The following MGAM variants were observed in gnomAD, a reference collection of about 807,000 sequenced individuals.
MGAM encodes the protein alpha-1,4-glucosidase.
In MGAM, 253 loss-of-function variants were observed where a neutral mutation model predicts 358.8. The ratio of observed to expected loss-of-function variants is 0.71; its 90% CI spans 0.64 to 0.78. The LOEUF (loss-of-function observed/expected upper bound fraction) is 0.78. MGAM is among the 30% of genes least tolerant of loss of function. The pLI is 0.00. For missense variants in MGAM, 3,080 were observed against 3,432.6 expected (o/e 0.90, Z 2.57); for synonymous variants, 1,105 against 1,227.1 (o/e 0.90, Z 2.08).
At chr7:141,990,771 G>T (rs554715157) in intron 2 of MGAM, among the ~76,000 whole-genome samples, 1 of 152,022 alleles carries the variant, frequency 6.6e-6, no homozygotes, top group Admixed American at 6.5e-5. Context: ...ATGCTGGTGC[G>T]CTGCACCGGT....
In MGAM at chr7:142,036,935, C is replaced by G. The variant is rs1300952698; in HGVS notation, c.2189C>G (p.Ala730Gly). The G allele has an allele frequency of 1.2e-6, 2 of 1,613,604 alleles. No individual in the cohort carries two copies. Among genetic ancestry groups the G allele is most frequent in the African/African-American group, 1.3e-5 (1 of 74,922 alleles). The change falls in exon 18 of 71, where the codon GCT (alanine) becomes GGT (glycine). Residue 730 changes from alanine (A) to glycine (G), a missense_variant. Ala to Gly is a moderately conservative substitution (Grantham distance 60, BLOSUM62 0). Transcript: ENST00000475668. ...TACCTATACACCCTCTTCTTCCGTG[C>G]TCACAGCCGAGGGGACACGGTGGCC... Reference protein sequence around the residue: ...LPYLYTLFFRAHSRGDTVARP... With the variant: ...LPYLYTLFFRGHSRGDTVARP...
At chr7:142,002,531 A>T (rs370479231) in intron 1 of MGAM, among the ~76,000 whole-genome samples, 154 of 151,200 alleles carry the variant, frequency 1.0e-3, no homozygotes, top group African/African-American at 3.4e-3. Flanking sequence ...ATTCCTTCAT[A>T]AAAAAAAACC....
Position 142,094,621 on chromosome 7 carries a change from C to T in MGAM, c.7308C>T (p.Gly2436=), listed in dbSNP as rs1680334472. Residue 2436 remains glycine (G), a splice_region_variant and synonymous_variant, in exon 62 of 71, where the codon GGC becomes GGT. Transcript: ENST00000475668. The part of the protein sequence containing the change: ...AWDQLKKSII[G]MMEFSLFGIS... ...ACACAGCTGTGCTTCTCGTTGCAGG[C>T]ATGATGGAGTTCAGCCTCTTCGGCA... is the stretch of plus-strand genomic sequence containing the variant. 3.0e-5 allele frequency: 48 copies of T among 1,610,004 alleles called. No individual in the cohort carries two copies. Among genetic ancestry groups the T allele is most frequent in the Non-Finnish European group, 4.1e-5 (48 of 1,177,596 alleles).
chr7:142,041,501 T>C (rs1034544750), intron 21 of MGAM, among the ~76,000 whole-genome samples: 2 of 152,096 alleles, frequency 1.3e-5, no homozygotes, highest in Admixed American at 6.6e-5. Context: ...TTCTGCACAC[T>C]GATACCAAAT....
chr7:142,044,164 A>ACAT (rs1563153305), intron 21 of MGAM, among the ~76,000 whole-genome samples: 1 of 143,546 alleles, frequency 7.0e-6, no homozygotes, highest in African/African-American at 2.5e-5. Flanking sequence ...GACGTATAAT[A>ACAT]TATACATTAT....
In MGAM at chr7:142,027,718, G is replaced by T; in HGVS notation, c.1204G>T (p.Ala402Ser). Residue 402 changes from alanine (A) to serine (S), a missense_variant, in exon 10 of 71, where the codon GCA (alanine) becomes TCA (serine). Physicochemically the swap from Ala to Ser is moderately conservative, Grantham distance 99. Coordinates refer to ENST00000475668, the MANE Select transcript of MGAM (RefSeq NM_001365693.1). ...NMREVVERNR[A>S]AQLPYDVQHA... Reference sequence around the variant, plus strand: ...GAGGGAAGTCGTGGAGAGAAATCGCGCAGCACAGCTCCCTTATGTAAGCAA... The same window carrying T: ...GAGGGAAGTCGTGGAGAGAAATCGCTCAGCACAGCTCCCTTATGTAAGCAA... 6.2e-7 allele frequency: 1 copy of T among 1,611,918 alleles called. No homozygotes were observed. Among genetic ancestry groups the T allele is most frequent in the Non-Finnish European group, 8.5e-7 (1 of 1,178,808 alleles).
At chr7:142,063,230 G>A (rs1812401639) in intron 35 of MGAM, among the ~76,000 whole-genome samples, 1 of 151,150 alleles carries the variant, frequency 6.6e-6, no homozygotes, top group Non-Finnish European at 1.5e-5. Context: ...AAAAAAACCT[G>A]GGAGGCAATT....
chr7:142,037,963 C>T (rs2129009257), intron 18 of MGAM, among the ~76,000 whole-genome samples: 1 of 152,100 alleles, frequency 6.6e-6, no homozygotes, highest in South Asian at 2.1e-4. Flanking sequence ...CTATAGTCAC[C>T]CTATTTTGCT....
chr7:142,045,052 A>T (rs1563155942), intron 21 of MGAM, among the ~76,000 whole-genome samples: 3 of 93,812 alleles, frequency 3.2e-5, no homozygotes, highest in African/African-American at 1.3e-4. Flanking sequence ...TATGATATAT[A>T]ATATGTATAT....
intron 1 of MGAM, among the ~76,000 whole-genome samples, chr7:142,001,076 G>A (rs1233293746): frequency 6.6e-6 from 1 of 152,102 alleles, no homozygotes; most frequent in Non-Finnish European, 1.5e-5. Context: ...ATTATACCAG[G>A]CATGAGAGAT....
At chr7:142,054,542 TTTA>T (rs1811302369) in intron 26 of MGAM, among the ~76,000 whole-genome samples, 1 of 152,152 alleles carries the variant, frequency 6.6e-6, no homozygotes, top group South Asian at 2.1e-4. Context: ...TCCCATTGAG[TTTA>T]TTAAGGTAAT....
chr7:142,060,047 G>A (rs575087643), intron 33 of MGAM, 81 bp downstream of exon 33: 18 of 1,372,300 alleles, frequency 1.3e-5, no homozygotes, highest in East Asian at 5.0e-5. Flanking sequence ...TGGGTCACAC[G>A]CCTGTGTATG....
Position 142,066,557 on chromosome 7 carries a change from T to C in MGAM, c.4771-16T>C. On this transcript the variant is annotated splice_polypyrimidine_tract_variant and intron_variant, in intron 40 of 70. Coordinates refer to ENST00000475668, the MANE Select transcript of MGAM (RefSeq NM_001365693.1). Reference sequence around the variant, plus strand: ...TTCCAGGGCGAGCTCCCAACACTGTTCTCTTTCTCCTTTAGAGACAAGACC... The same window carrying C: ...TTCCAGGGCGAGCTCCCAACACTGTCCTCTTTCTCCTTTAGAGACAAGACC... 6.4e-7 allele frequency: 1 copy of C among 1,553,908 alleles called. No individual in the cohort carries two copies. Among genetic ancestry groups the C allele is most frequent in the Non-Finnish European group, 8.8e-7 (1 of 1,132,194 alleles).
At chr7:141,991,547 C>T (rs1040950177), upstream of MGAM, among the ~76,000 whole-genome samples, 1 of 151,950 alleles carries the variant, frequency 6.6e-6, no homozygotes, top group Admixed American at 6.6e-5. Context: ...AGCAATTCTC[C>T]TGCCTCAGCC....
At chr7:141,999,148 A>T (rs1804526781) in intron 1 of MGAM, among the ~76,000 whole-genome samples, 1 of 152,160 alleles carries the variant, frequency 6.6e-6, no homozygotes, top group Non-Finnish European at 1.5e-5. Context: ...AATGCTTGGC[A>T]CATTGTAGGA....
Position 142,056,137 on chromosome 7 carries a change from A to G in MGAM, c.3580+41A>G, listed in dbSNP as rs373925906. On this transcript the variant is annotated intron_variant, in intron 29 of 70. Transcript: ENST00000475668. ...CCTCCCTTATTTTGGGGGGATACCAATCATGCCTGAGTCAATTTACAATGT... is the reference window on the plus strand; with the variant it reads ...CCTCCCTTATTTTGGGGGGATACCAGTCATGCCTGAGTCAATTTACAATGT... The G allele has an allele frequency of 1.5e-4, 237 of 1,540,910 alleles. 1 individual carries two copies. Among genetic ancestry groups the G allele is most frequent in the Middle Eastern group, 6.7e-4 (4 of 5,958 alleles).
rs1554465116 is a variant in MGAM at position 142,034,673 on chromosome 7, T to C, written c.1791T>C (p.Ala597=). ...CTTAAATCTCTCTCCCTTGCAGAGC[T>C]GCCAAGACTGTGTTCCCTAATAAGA... ...GYSMAVATAE[A]AKTVFPNKRS... Residue 597 remains alanine, a synonymous_variant, in exon 16 of 71, where the codon GCT becomes GCC. Coordinates refer to ENST00000475668, the MANE Select transcript of MGAM (RefSeq NM_001365693.1). 6.2e-7 allele frequency: 1 copy of C among 1,613,034 alleles called. No homozygotes were observed. Among genetic ancestry groups the C allele is most frequent in the Non-Finnish European group, 8.5e-7 (1 of 1,179,360 alleles).
chr7:142,092,124 T>G (rs1815443802), intron 58 of MGAM, 77 bp downstream of exon 58: 1 of 1,485,158 alleles, frequency 6.7e-7, no homozygotes, highest in African/African-American at 1.4e-5. Flanking sequence ...CCACTGACCT[T>G]CAGTCAAGAG....
chr7:142,084,243 A>AT (rs1381786048), intron 53 of MGAM, among the ~76,000 whole-genome samples: 2 of 145,810 alleles, frequency 1.4e-5, no homozygotes, highest in Non-Finnish European at 3.1e-5. Flanking sequence ...TAAGCCAGGC[A>AT]TTTTGCCTCT....
Sources: allele counts gnomAD v4.1 joint callset (sites outside exome capture counted in the v4.1 genomes callset), GRCh38; gene constraint gnomAD v4.1.1; transcripts MANE v1.5; gene names NCBI Gene and HGNC (gene_info 2026-07-23, HGNC 2026-07-21).